Variants in FAM227B observed in about 807,000 individuals in gnomAD.
FAM227B encodes protein FAM227B.
In FAM227B, 88 loss-of-function variants were observed where a neutral mutation model predicts 73.8. That is an observed-to-expected ratio of 1.19 (90% CI 1.00 to 1.42). FAM227B has a LOEUF of 1.42. Ranked by LOEUF, FAM227B falls within the 40% of genes most tolerant of loss-of-function variation. The pLI is 0.00. For synonymous variants in FAM227B, 210 were observed against 190.5 expected (o/e 1.10, Z -0.84); for missense variants, 632 against 590.9 (o/e 1.07, Z -0.72).
rs529730910 is a variant in FAM227B at position 49,562,745 on chromosome 15, A to T, written c.747+5500T>A. Among the ~76,000 whole-genome samples, 5 of 152,292 alleles carry T rather than the reference A, an allele frequency of 3.3e-5. No homozygotes were observed. The East Asian group carries it at 9.6e-4, about 29-fold the overall frequency. On this transcript the variant is annotated intron_variant, in intron 9 of 15. Transcript: ENST00000299338. ...TCACCACATAAATATAATTTTTTTA[A>T]AAAATATGATCAACTCAATAGATGC...
At chr15:49,439,480 G>C (rs1330788624) in intron 11 of FAM227B, among the ~76,000 whole-genome samples, 2 of 151,758 alleles carry the variant, frequency 1.3e-5, no homozygotes, top group Admixed American at 6.6e-5. Context: ...AAGTGTTAGG[G>C]ATCATTGGGG....
At position 49,563,718 on chromosome 15, in the gene FAM227B, T is replaced by C. The variant is rs139734730; in HGVS notation, c.747+4527A>G. Among the ~76,000 whole-genome samples the C allele has an allele frequency of 4.6e-5, 7 of 152,006 alleles. No individual in the cohort carries two copies. In the East Asian group the frequency reaches 9.7e-4, roughly 21 times the overall value. The stretch of plus-strand genomic sequence containing the variant: ...TTATAAACATCTGATCTTCAACAAG[T>C]AGACAAAACAAGCAATCAGGAAAGG... On this transcript the variant is annotated intron_variant, in intron 9 of 15. Transcript: ENST00000299338.
At position 49,328,466 on chromosome 15, in the gene FAM227B, T is replaced by C; in HGVS notation, c.*102A>G. The C allele has an allele frequency of 6.6e-7, 1 of 1,520,072 alleles. No individual in the cohort carries two copies. Among genetic ancestry groups the C allele is most frequent in the Non-Finnish European group, 8.8e-7 (1 of 1,133,852 alleles). 94.2% of individuals were successfully genotyped at this position (1,520,072 alleles called of 1,614,324 possible). ...GAATGGTAAAACACACTCTTAATAC[T>C]GATTACATGGATTGGACTTGAATTA... On this transcript the variant is annotated 3_prime_UTR_variant, in exon 16 of 16. Coordinates refer to ENST00000299338, the MANE Select transcript of FAM227B (RefSeq NM_152647.3).
intron 11 of FAM227B, among the ~76,000 whole-genome samples, chr15:49,405,355 T>G (rs980777983): frequency 6.6e-6 from 1 of 152,220 alleles, no homozygotes. Context: ...TTTTCCAACT[T>G]GCTTGTACTC....
intron 12 of FAM227B, among the ~76,000 whole-genome samples, chr15:49,371,016 C>G (rs530341024): frequency 2.0e-5 from 3 of 152,138 alleles, no homozygotes; most frequent in East Asian, 3.9e-4. Context: ...CCAGATGGAG[C>G]CTTTGTATGT....
intron 5 of FAM227B, 29 bp downstream of exon 5, chr15:49,587,987 C>G: frequency 7.1e-7 from 1 of 1,400,286 alleles, no homozygotes; most frequent in East Asian, 2.6e-5. Flanking sequence ...ATCCAACTTT[C>G]AAGGATGATA....
Position 49,424,629 on chromosome 15 carries a change from T to C in FAM227B, c.1013-53230A>G. The C allele has an allele frequency of 3.6e-6, 5 of 1,406,754 alleles. No individual in the cohort carries two copies. The South Asian group carries it at 4.6e-5, about 13-fold the overall frequency. The allele number at this position is 1,406,754 out of a possible 1,614,324, so 87.1% of individuals were successfully genotyped here. A position where few individuals can be genotyped will look rare whatever the true frequency, so the allele number is the denominator to read the frequency against. On this transcript the variant is annotated intron_variant, in intron 11 of 15. Coordinates refer to ENST00000299338, the MANE Select transcript of FAM227B (RefSeq NM_152647.3). The stretch of plus-strand genomic sequence containing the variant: ...CTCATGAACCTTAGCAATCTGTTAA[T>C]GGATCAATTTTCAGGTGATATGTTT...
chr15:49,510,292 C>T (rs2152118915), intron 10 of FAM227B, among the ~76,000 whole-genome samples: 1 of 152,156 alleles, frequency 6.6e-6, no homozygotes, highest in East Asian at 1.9e-4. Flanking sequence ...ATCTTGTTGA[C>T]AGCTGAACCA....
intron 10 of FAM227B, among the ~76,000 whole-genome samples, chr15:49,524,866 G>A (rs546149661): frequency 1.6e-4 from 24 of 152,266 alleles, no homozygotes; most frequent in African/African-American, 4.6e-4. Context: ...CATGGGGTCC[G>A]TGGCCCCTTT....
At position 49,501,427 on chromosome 15, in the gene FAM227B, T is replaced by C. The variant is rs2058122852; in HGVS notation, c.1012+6784A>G. Among the ~76,000 whole-genome samples, 4 of 152,322 alleles carry C rather than the reference T, an allele frequency of 2.6e-5. No individual in the cohort carries two copies. The South Asian group carries it at 8.3e-4, about 32-fold the overall frequency. On this transcript the variant is annotated intron_variant, in intron 11 of 15. Transcript: ENST00000299338. Reference sequence around the variant, plus strand: ...AAAGAACTTGGCTGCATTGTTTCCCTGCCCTAGGGATCTGTGAAAGCTTGA... The same window carrying C: ...AAAGAACTTGGCTGCATTGTTTCCCCGCCCTAGGGATCTGTGAAAGCTTGA...
intron 10 of FAM227B, among the ~76,000 whole-genome samples, chr15:49,514,466 G>T (rs2059247723): frequency 6.6e-6 from 1 of 152,108 alleles, no homozygotes. Flanking sequence ...AGACTTTGCT[G>T]AAGTTACTTA....
At position 49,620,751 on chromosome 15, in the gene FAM227B, T is replaced by C. The variant is rs981544963; in HGVS notation, c.-124A>G. ...CGAGAACCGCTTCCCAATTTTGTTG[T>C]CCCAGCAAGAATCGGGAGGAAACTG... On this transcript the variant is annotated 5_prime_UTR_variant, in exon 1 of 16. Coordinates refer to ENST00000299338, the MANE Select transcript of FAM227B (RefSeq NM_152647.3). 7 of 152,350 alleles carry C rather than the reference T, an allele frequency of 4.6e-5. No individual in the cohort carries two copies. Among genetic ancestry groups the C allele is most frequent in the African/African-American group, 1.7e-4 (7 of 41,570 alleles). 9.4% of individuals were successfully genotyped at this position (152,350 alleles called of 1,614,324 possible).
At chr15:49,376,956 C>T (rs1287720223) in intron 11 of FAM227B, among the ~76,000 whole-genome samples, 1 of 151,866 alleles carries the variant, frequency 6.6e-6, no homozygotes, top group Non-Finnish European at 1.5e-5. Flanking sequence ...CTATCAAATA[C>T]TAGGTCTTAT....
intron 8 of FAM227B, among the ~76,000 whole-genome samples, chr15:49,569,928 T>C (rs543682832): frequency 6.6e-6 from 1 of 152,158 alleles, no homozygotes; most frequent in African/African-American, 2.4e-5. Context: ...TCCAGGTTCA[T>C]TCAGGTTGTC....
chr15:49,434,371 T>C (rs901893751), intron 11 of FAM227B: 1 of 151,556 alleles, frequency 6.6e-6, no homozygotes, highest in Non-Finnish European at 1.5e-5. Context: ...ATACAGTCCA[T>C]GCTTTTACAG....
intron 11 of FAM227B, among the ~76,000 whole-genome samples, chr15:49,413,728 C>G (rs1372118794): frequency 1.3e-5 from 2 of 151,890 alleles, no homozygotes; most frequent in East Asian, 3.9e-4. Flanking sequence ...AGTATCAACG[C>G]CTTATGTACA....
chr15:49,474,887 G>A (rs544373172), intron 11 of FAM227B, among the ~76,000 whole-genome samples: 4 of 152,176 alleles, frequency 2.6e-5, no homozygotes, highest in South Asian at 4.2e-4. Flanking sequence ...ACCTCCCCCC[G>A]GCTCCCGTCC....
chr15:49,494,927 G>A (rs2057464043), intron 11 of FAM227B, among the ~76,000 whole-genome samples: 2 of 152,120 alleles, frequency 1.3e-5, no homozygotes, highest in Non-Finnish European at 2.9e-5. Context: ...ACTGCAAAGA[G>A]TCATTCTAAT....
chr15:49,482,184 G>A (rs2056015304), intron 11 of FAM227B, among the ~76,000 whole-genome samples: 1 of 151,908 alleles, frequency 6.6e-6, no homozygotes, highest in Non-Finnish European at 1.5e-5. Flanking sequence ...ATAGCAAATT[G>A]CATAAAAGTA....
Sources: allele counts gnomAD v4.1 joint callset (sites outside exome capture counted in the v4.1 genomes callset), GRCh38; gene constraint gnomAD v4.1.1; transcripts MANE v1.5; gene names NCBI Gene and HGNC (gene_info 2026-07-23, HGNC 2026-07-21).